Variants in CAMKMT observed in about 807,000 individuals in gnomAD.
CAMKMT encodes the protein calmodulin-lysine N-methyltransferase.
In CAMKMT, 53 loss-of-function variants were observed where a neutral mutation model predicts 48.0. The ratio of observed to expected loss-of-function variants is 1.10; its 90% CI spans 0.89 to 1.39. CAMKMT has a LOEUF of 1.39. Ranked by LOEUF, CAMKMT falls within the 40% of genes most tolerant of loss-of-function variation. CAMKMT has a pLI of 0.00. For missense variants in CAMKMT, 428 were observed against 402.7 expected (o/e 1.06, Z -0.54); for synonymous variants, 165 against 152.3 (o/e 1.08, Z -0.61).
chr2:44,362,866 T>A (rs1389501767), intron 1 of CAMKMT, among the ~76,000 whole-genome samples: 2 of 152,246 alleles, frequency 1.3e-5, no homozygotes, highest in African/African-American at 4.8e-5. Flanking sequence ...AGTTCTGATT[T>A]ATGATCACTC....
intron 3 of CAMKMT, among the ~76,000 whole-genome samples, chr2:44,660,304 G>T (rs1337719207): frequency 3.3e-5 from 5 of 152,174 alleles, no homozygotes; most frequent in Non-Finnish European, 5.9e-5. Flanking sequence ...GGGCAAATAT[G>T]TATCATTACT....
intron 2 of CAMKMT, among the ~76,000 whole-genome samples, chr2:44,381,407 A>G (rs1680229254): frequency 6.6e-6 from 1 of 152,298 alleles, no homozygotes; most frequent in African/African-American, 2.4e-5. Flanking sequence ...AGAGGGAGAG[A>G]GACAGATGCA....
chr2:44,617,396 G>C (rs1035112579), intron 3 of CAMKMT, among the ~76,000 whole-genome samples: 2 of 152,092 alleles, frequency 1.3e-5, no homozygotes, highest in African/African-American at 4.8e-5. Context: ...CTTAGGTAAG[G>C]GAAGAGACCC....
At chr2:44,696,301 GC>G (rs1676948253) in intron 3 of CAMKMT, among the ~76,000 whole-genome samples, 1 of 152,146 alleles carries the variant, frequency 6.6e-6, no homozygotes, top group South Asian at 2.1e-4. Flanking sequence ...GGATATGCAT[GC>G]AAATACTACA....
chr2:44,489,675 G>T (rs901731102), intron 3 of CAMKMT, among the ~76,000 whole-genome samples: 1 of 152,150 alleles, frequency 6.6e-6, no homozygotes, highest in Admixed American at 6.5e-5. Flanking sequence ...GCCGTGAGAA[G>T]TAGCAATTGT....
intron 3 of CAMKMT, among the ~76,000 whole-genome samples, chr2:44,443,567 G>A (rs377507055): frequency 1.3e-5 from 2 of 152,002 alleles, no homozygotes; most frequent in Admixed American, 6.6e-5. Context: ...TCTTCTAAAG[G>A]TTCTATAAAT....
intron 3 of CAMKMT, among the ~76,000 whole-genome samples, chr2:44,606,322 G>A (rs183783108): frequency 3.1e-4 from 47 of 152,182 alleles, no homozygotes; most frequent in Admixed American, 5.2e-4. Context: ...TGGATTGGCT[G>A]AAACGATTAC....
At chr2:44,637,924 G>C (rs924704315) in intron 3 of CAMKMT, among the ~76,000 whole-genome samples, 4 of 151,854 alleles carry the variant, frequency 2.6e-5, no homozygotes, top group African/African-American at 9.7e-5. Context: ...AATTAGCTGG[G>C]CATGGTGGCA....
At chr2:44,595,267 A>G (rs1163835887) in intron 3 of CAMKMT, among the ~76,000 whole-genome samples, 1 of 151,662 alleles carries the variant, frequency 6.6e-6, no homozygotes, top group Admixed American at 6.6e-5. Flanking sequence ...ATCTGGTACT[A>G]GAAATACCAT....
chr2:44,408,898 C>T (rs1259867736), intron 3 of CAMKMT, among the ~76,000 whole-genome samples: 2 of 151,682 alleles, frequency 1.3e-5, no homozygotes, highest in South Asian at 2.1e-4. Context: ...CACACCACCA[C>T]ACCTGGCTAA....
In CAMKMT at chr2:44,737,262, T is replaced by A. The variant is rs549138386; in HGVS notation, c.624-6360T>A. Among the ~76,000 whole-genome samples, 7 of 152,220 alleles carry A rather than the reference T, an allele frequency of 4.6e-5. No homozygotes were observed. The South Asian group carries it at 1.5e-3, about 32-fold the overall frequency. ...CCCCAGGTAGCTGGGAACACAAGCA[T>A]GCACCACCATGCTCATCTAATTTTT... On this transcript the variant is annotated intron_variant, in intron 7 of 10. Coordinates refer to ENST00000378494, the MANE Select transcript of CAMKMT (RefSeq NM_024766.5).
At position 44,653,724 on chromosome 2, in the gene CAMKMT, T is replaced by C. The variant is rs1174682666; in HGVS notation, c.377-50559T>C. On this transcript the variant is annotated intron_variant, in intron 3 of 10. Coordinates refer to ENST00000378494, the MANE Select transcript of CAMKMT (RefSeq NM_024766.5). The surrounding 1 kb of genome is among the most constrained non-coding windows in gnomAD (Gnocchi z 5.2). ...ATCCCCCTTTTAAGTAAATTAATCT[T>C]TTGGGATTGTAGATATAATAGCAAT... 1.3e-5 allele frequency among the ~76,000 whole-genome samples: 2 copies of C among 152,196 alleles called. No homozygotes were observed. Among genetic ancestry groups the C allele is most frequent in the African/African-American group, 4.8e-5 (2 of 41,442 alleles).
intron 8 of CAMKMT, among the ~76,000 whole-genome samples, chr2:44,750,171 G>C (rs569419873): frequency 6.6e-6 from 1 of 150,600 alleles, no homozygotes; most frequent in Non-Finnish European, 1.5e-5. Context: ...TCTCTCTCAA[G>C]ACAAAGTCTC....
At chr2:44,500,406 C>A (rs1669949568) in intron 3 of CAMKMT, among the ~76,000 whole-genome samples, 1 of 151,762 alleles carries the variant, frequency 6.6e-6, no homozygotes, top group Admixed American at 6.6e-5. Context: ...CATTTTTGTG[C>A]TGTATTTTTA....
intron 3 of CAMKMT, among the ~76,000 whole-genome samples, chr2:44,509,385 C>G (rs550260926): frequency 6.6e-6 from 1 of 152,182 alleles, no homozygotes; most frequent in African/African-American, 2.4e-5. Flanking sequence ...TCTTGGCTCA[C>G]TGCAACCTCC....
At chr2:44,685,263 A>T (rs1676274796) in intron 3 of CAMKMT, among the ~76,000 whole-genome samples, 1 of 152,220 alleles carries the variant, frequency 6.6e-6, no homozygotes, top group Non-Finnish European at 1.5e-5. Flanking sequence ...AAATAGAAAA[A>T]GTGGGCACTA....
chr2:44,649,375 A>G (rs907524854), intron 3 of CAMKMT, among the ~76,000 whole-genome samples: 2 of 152,218 alleles, frequency 1.3e-5, no homozygotes, highest in East Asian at 1.9e-4. Flanking sequence ...AGACGGCTCT[A>G]GTCAGAAAGA....
intron 3 of CAMKMT, among the ~76,000 whole-genome samples, chr2:44,576,053 G>A (rs1461054418): frequency 3.3e-5 from 5 of 151,984 alleles, no homozygotes; most frequent in Non-Finnish European, 4.4e-5. Flanking sequence ...GAGGCTGGGT[G>A]CAGTGGCTCA....
intron 7 of CAMKMT, among the ~76,000 whole-genome samples, chr2:44,720,436 C>G (rs1345748276): frequency 6.6e-6 from 1 of 152,042 alleles, no homozygotes; most frequent in Non-Finnish European, 1.5e-5. Context: ...GAGAGAAATC[C>G]TTCTCCCTTC....
Sources: allele counts gnomAD v4.1 joint callset (sites outside exome capture counted in the v4.1 genomes callset), GRCh38; gene constraint gnomAD v4.1.1; non-coding constraint Gnocchi (gnomAD v3.1); transcripts MANE v1.5; gene names NCBI Gene and HGNC (gene_info 2026-07-23, HGNC 2026-07-21).